The following VWDE variants were observed in gnomAD, a reference collection of about 807,000 sequenced individuals.
VWDE encodes von Willebrand factor D and EGF domains.
Under a neutral mutation model 178.4 loss-of-function variants are expected in VWDE, and 207 were observed. That is an observed-to-expected ratio of 1.16 (90% CI 1.04 to 1.30). The LOEUF (loss-of-function observed/expected upper bound fraction) is 1.30, where lower values mean the gene tolerates loss of function less well. VWDE is among the 50% of genes most tolerant of loss of function. The probability of loss-of-function intolerance (pLI) is 0.00; values close to 1 mark genes in which losing one functional copy is unlikely to be tolerated. For missense variants in VWDE, 2,287 were observed against 1,901.3 expected, an observed-to-expected ratio of 1.20 and a Z score of -3.77; for synonymous variants, 738 against 651.4, an observed-to-expected ratio of 1.13 and a Z score of -2.02.
At position 12,357,469 on chromosome 7, in the gene VWDE, T is replaced by G. The variant is rs1413354105; in HGVS notation, c.3321A>C (p.Thr1107=). 6.4e-7 allele frequency: 1 copy of G among 1,552,148 alleles called. No individual in the cohort carries two copies. Among genetic ancestry groups the G allele is most frequent in the Admixed American group, 2.0e-5 (1 of 51,006 alleles). ...GATACTCAAAGTTTTCACCATAAAA[T>G]GTCTGTAATTTGTCTTGCAATGCTT... ...VIQALQDKLQ[T]FYGENFEYQF... is the part of the protein sequence containing the mutation. Residue 1107 remains threonine, a synonymous_variant, in exon 17 of 29, where the codon ACA becomes ACC. Transcript: ENST00000275358.
chr7:12,343,085 G>C lies in VWDE; in HGVS notation c.4172C>G (p.Thr1391Arg). 1 of 1,548,016 alleles carries C rather than the reference G, an allele frequency of 6.5e-7. No individual in the cohort carries two copies. Among genetic ancestry groups the C allele is most frequent in the Non-Finnish European group, 8.7e-7 (1 of 1,144,576 alleles). The change falls in exon 22 of 29, where the codon ACA becomes AGA. Residue 1391 changes from threonine (T) to arginine (R), a missense_variant and splice_region_variant. By Grantham distance (71) the Thr-to-Arg change is moderately conservative (BLOSUM62 -1). Coordinates refer to ENST00000275358, the MANE Select transcript of VWDE (RefSeq NM_001135924.3). ...GACATCAGGAGAGCTTTGCTTACTT[G>C]TTTCACACCTTGGTCCTACAAAACC... ...PYGFVGPRCE[T>R]MVCNRHCENG... is the part of the protein sequence containing the mutation.
intron 13 of VWDE, among the ~76,000 whole-genome samples, chr7:12,364,811 T>C (rs919591224): frequency 1.3e-5 from 2 of 151,968 alleles, no homozygotes; most frequent in African/African-American, 4.8e-5. Flanking sequence ...TCTAAAAGTG[T>C]CTCCCTACAA....
chr7:12,389,311 A>C lies in VWDE; in HGVS notation c.291T>G (p.Asp97Glu). Reference protein sequence around the residue: ...TQAPIWLSLRDSETLPSPGEI... With the variant: ...TQAPIWLSLRESETLPSPGEI... The stretch of plus-strand genomic sequence containing the variant: ...CCCCAGGAGATGGCAGTGTTTCTGA[A>C]TCTCTCAGAGACAGCCAGATGGGGG... The change falls in exon 3 of 29, where the codon GAT becomes GAG. Residue 97 changes from aspartate (D) to glutamate (E), a missense_variant. Coordinates refer to ENST00000275358, the MANE Select transcript of VWDE (RefSeq NM_001135924.3). The C allele has an allele frequency of 6.4e-7, 1 of 1,551,498 alleles. No homozygotes were observed. The highest frequency in any genetic ancestry group is 1.2e-5 in the South Asian group (1 of 84,060).
chr7:12,368,610 G>A (rs761215502), intron 12 of VWDE, among the ~76,000 whole-genome samples: 4 of 152,052 alleles, frequency 2.6e-5, no homozygotes, highest in Non-Finnish European at 5.9e-5. Context: ...GACTACCTAG[G>A]GTCTTCTACG....
rs533131642 is a variant in VWDE at position 12,380,661 on chromosome 7, C to G, written c.614G>C (p.Arg205Thr). 3.9e-6 allele frequency: 6 copies of G among 1,552,100 alleles called. No individual in the cohort carries two copies. Among genetic ancestry groups the G allele is most frequent in the African/African-American group, 1.4e-5 (1 of 73,114 alleles). The change falls in exon 5 of 29, where the codon AGG (arginine) becomes ACG (threonine). Residue 205 changes from arginine (R) to threonine (T), a missense_variant. By Grantham distance (71) the Arg-to-Thr change is moderately conservative. Transcript: ENST00000275358. ...ATCAAAAGAACACCTACAGAAAAGC[C>G]TGGACTCAATCAACTCCACCAGAAC... ...PEVLVELIES[R>T]LFCRCSFDVP...
rs748005283 is a variant in VWDE at position 12,370,194 on chromosome 7, C to T, written c.2112G>A (p.Leu704=). ...LFLQEKKHIN[L]TKLGLNVQKH... is the part of the protein sequence containing the mutation. ...TTTGTACATTTAAGCCGAGTTTAGT[C>T]AGGTTTATGTGTTTTTTTTCTTGCA... Residue 704 remains leucine, a synonymous_variant, in exon 12 of 29, where the codon CTG becomes CTA. Transcript: ENST00000275358. 1.3e-5 allele frequency: 20 copies of T among 1,551,058 alleles called. No individual in the cohort carries two copies. Among genetic ancestry groups the T allele is most frequent in the Non-Finnish European group, 1.7e-5 (19 of 1,146,852 alleles).
At chr7:12,385,880 C>CT (rs1199899390) in intron 3 of VWDE, among the ~76,000 whole-genome samples, 1 of 152,064 alleles carries the variant, frequency 6.6e-6, no homozygotes, top group East Asian at 1.9e-4. Context: ...TTATGAGGTA[C>CT]TTTTGAGTGT....
chr7:12,370,148 C>T lies in VWDE; in HGVS notation c.2158G>A (p.Glu720Lys). The part of the protein sequence containing the change: ...NVQKHPGNEK[E>K]DSLQYLANKK... ...TTGGCCAAATATTGTAGTGAATCTT[C>T]TTTCTCATTTCCAGGATGTTTTTGT... The change falls in exon 12 of 29, where the codon GAA (glutamate) becomes AAA (lysine). Residue 720 changes from glutamate to lysine, a missense_variant. Coordinates refer to ENST00000275358, the MANE Select transcript of VWDE (RefSeq NM_001135924.3). The T allele has an allele frequency of 6.4e-7, 1 of 1,551,472 alleles. No homozygotes were observed.
chr7:12,351,505 G>A, intron 19 of VWDE, 68 bp downstream of exon 19: 1 of 1,437,950 alleles, frequency 7.0e-7, no homozygotes, highest in Non-Finnish European at 9.2e-7. Context: ...GAATAAATAT[G>A]TTGGTCTTCT....
chr7:12,368,982 C>T (rs1354411215), intron 12 of VWDE, among the ~76,000 whole-genome samples: 2 of 152,064 alleles, frequency 1.3e-5, no homozygotes, highest in African/African-American at 4.8e-5. Flanking sequence ...GGAGGGAAAT[C>T]AGGAGTTACT....
intron 5 of VWDE, among the ~76,000 whole-genome samples, 163 bp from the exon 6 acceptor site, chr7:12,379,729 C>T (rs1317398331): frequency 1.3e-5 from 2 of 151,794 alleles, no homozygotes; most frequent in Non-Finnish European, 2.9e-5. Context: ...AGAAAAATTC[C>T]ATCATTATAA....
chr7:12,356,869 T>C (rs1247687404), intron 17 of VWDE, among the ~76,000 whole-genome samples: 1 of 152,234 alleles, frequency 6.6e-6, no homozygotes, highest in Non-Finnish European at 1.5e-5. Flanking sequence ...AGTTGCCAAT[T>C]ATTTATCTCA....
At chr7:12,386,932 A>G (rs2128560258) in intron 3 of VWDE, among the ~76,000 whole-genome samples, 1 of 152,328 alleles carries the variant, frequency 6.6e-6, no homozygotes, top group East Asian at 1.9e-4. Flanking sequence ...GTGTGAAATG[A>G]TTAGTGCGTT....
intron 3 of VWDE, among the ~76,000 whole-genome samples, chr7:12,384,103 T>C (rs1783984192): frequency 6.6e-6 from 1 of 152,132 alleles, no homozygotes; most frequent in African/African-American, 2.4e-5. Context: ...CAAGCAACCA[T>C]GATGTTCTTC....
chr7:12,363,419 T>G (rs1782686559), intron 13 of VWDE, among the ~76,000 whole-genome samples: 1 of 152,076 alleles, frequency 6.6e-6, no homozygotes, highest in Non-Finnish European at 1.5e-5. Context: ...CATCCTGTAT[T>G]TAATCCTATA....
intron 7 of VWDE, among the ~76,000 whole-genome samples, chr7:12,376,645 G>T (rs558338061): frequency 5.3e-5 from 8 of 152,072 alleles, no homozygotes; most frequent in African/African-American, 1.9e-4. Context: ...AGTAATATTT[G>T]CATAATACAC....
intron 21 of VWDE, 38 bp from the exon 22 acceptor site, chr7:12,343,216 T>A (rs1437387536): frequency 1.4e-6 from 2 of 1,458,502 alleles, no homozygotes; most frequent in Admixed American, 2.1e-5. Context: ...CAGTTCTTAA[T>A]TTTTAAAAAG....
chr7:12,341,420 T>G (rs542690298), intron 23 of VWDE, among the ~76,000 whole-genome samples: 1 of 152,098 alleles, frequency 6.6e-6, no homozygotes, highest in East Asian at 1.9e-4. Context: ...GATCACGAGG[T>G]CAGGAGTTTG....
rs769077455 is a variant in VWDE, at chr7:12,370,345, T to C, written c.1961A>G (p.Asn654Ser). 3.0e-5 allele frequency: 47 copies of C among 1,551,100 alleles called. No individual in the cohort carries two copies. The African/African-American group carries it at 3.2e-4, about 10-fold the overall frequency. The change falls in exon 12 of 29, where the codon AAT (asparagine) becomes AGT (serine). Residue 654 changes from asparagine (N) to serine (S), a missense_variant. Transcript: ENST00000275358. ...SEIALGCKDL[N>S]HVSLSSLIPE... ...TATCAAAGAAGATAAGCTGACATGA[T>C]TGAGGTCTTTGCAACCCAAGGCAAT...
Sources: gnomAD v4.1 joint callset for allele counts (sites outside exome capture counted in the v4.1 genomes callset) on GRCh38, gnomAD v4.1.1 for gene constraint, MANE v1.5 for transcripts, NCBI Gene and HGNC (gene_info 2026-07-23, HGNC 2026-07-21) for gene names.